The following NCALD variants were observed in gnomAD, a reference collection of about 807,000 sequenced individuals.
The protein encoded by NCALD is neurocalcin-delta.
In NCALD, 10 loss-of-function variants were observed where a neutral mutation model predicts 18.6. The observed-to-expected ratio is 0.54, with a 90% CI of 0.33 to 0.91. The LOEUF is 0.91. Among genes scored for constraint, NCALD ranks in the 40% least tolerant of loss-of-function variants. NCALD has a pLI of 0.03. For synonymous variants in NCALD, 88 were observed against 87.4 expected, an observed-to-expected ratio of 1.01 and a Z score of -0.04; for missense variants, 184 against 247.6, an observed-to-expected ratio of 0.74 and a Z score of 1.72.
In NCALD at chr8:101,786,663, A is replaced by G. The variant is rs141095748; in HGVS notation, c.-20+4199T>C. Among the ~76,000 whole-genome samples the G allele has an allele frequency of 7.6e-3, 1,152 of 152,282 alleles. 8 individuals are homozygous for G. The highest frequency in any genetic ancestry group is 0.041 in the Middle Eastern group (12 of 294). The stretch of plus-strand genomic sequence containing the variant: ...ATTAAAGCAAACAAAATCCAAAATC[A>G]TCTTTTAAAAAAATTCATCCTTGCA... On this transcript the variant is annotated intron_variant, in intron 1 of 3. Transcript: ENST00000220931.
intron 4 of NCALD, among the ~76,000 whole-genome samples, chr8:101,804,372 T>TTATATATAATTATATCAATTATA (rs971384773): frequency 7.3e-6 from 1 of 136,512 alleles, no homozygotes; most frequent in Non-Finnish European, 1.5e-5. Flanking sequence ...CAATTATATA[T>TTATATATAATTATATCAATTATA]TATATGTTAC....
At position 102,010,263 on chromosome 8, in the gene NCALD, TTCTC is replaced by T. The variant is rs145129630; in HGVS notation, c.-157+9970_-157+9973del. ...CATACTTGCAACATATTTGCATACT[TTCTC>T]TAACAAATCTGCCTTTCTTTACCTA... On this transcript the variant is annotated intron_variant, in intron 2 of 6. Coordinates refer to the NCALD transcript ENST00000311028. Among the ~76,000 whole-genome samples, 29 of 152,378 alleles carry T rather than the reference TTCTC, an allele frequency of 1.9e-4. No individual in the cohort carries two copies. In the East Asian group the frequency reaches 5.6e-3, roughly 29 times the overall value.
chr8:101,912,441 G>A (rs1158142330), intron 3 of NCALD, among the ~76,000 whole-genome samples: 3 of 152,360 alleles, frequency 2.0e-5, no homozygotes, highest in East Asian at 1.9e-4. Context: ...GGGAAATGAT[G>A]ATGTATTTAT....
At chr8:101,961,282 A>G (rs533361054) in intron 2 of NCALD, among the ~76,000 whole-genome samples, 5 of 152,320 alleles carry the variant, frequency 3.3e-5, no homozygotes, top group African/African-American at 1.2e-4. Flanking sequence ...ATAATAAAAA[A>G]TATCAGGGAA....
At position 101,954,420 on chromosome 8, in the gene NCALD, T is replaced by C. The variant is rs892928569; in HGVS notation, c.-156-38562A>G. On this transcript the variant is annotated intron_variant, in intron 2 of 6. Transcript: ENST00000311028. ...CCTGACCTCTCCTGGCTTCCTGCTTTCTGCTTTTCTTTCCCTTCTGAACCC... is the reference window on the plus strand; with the variant it reads ...CCTGACCTCTCCTGGCTTCCTGCTTCCTGCTTTTCTTTCCCTTCTGAACCC... 2.6e-5 allele frequency among the ~76,000 whole-genome samples: 4 copies of C among 152,288 alleles called. 1 individual carries two copies. Among genetic ancestry groups the C allele is most frequent in the Admixed American group, 2.6e-4 (4 of 15,296 alleles).
intron 2 of NCALD, among the ~76,000 whole-genome samples, chr8:102,011,212 A>G (rs116685629): frequency 6.6e-6 from 1 of 152,122 alleles, no homozygotes; most frequent in South Asian, 2.1e-4. Flanking sequence ...TACTCCCCCA[A>G]CACAGACACA....
chr8:102,035,515 T>C lies in NCALD; in HGVS notation c.-209-15226A>G, dbSNP rs1409474559. On this transcript the variant is annotated intron_variant, in intron 1 of 6. Transcript: ENST00000311028. ...TCCAACACTCAGCAACAGTGTACTA[T>C]GTAGCCAGAGGTCTCCATAGTCCAG... 2.6e-5 allele frequency among the ~76,000 whole-genome samples: 4 copies of C among 152,300 alleles called. No individual in the cohort carries two copies. The East Asian group carries it at 5.8e-4, about 22-fold the overall frequency.
chr8:101,831,279 G>A (rs984341248), intron 4 of NCALD, among the ~76,000 whole-genome samples: 1 of 152,144 alleles, frequency 6.6e-6, no homozygotes, highest in African/African-American at 2.4e-5. Flanking sequence ...TCCTAAGGTT[G>A]CCATGAGGAT....
Position 101,950,410 on chromosome 8 carries a change from G to A in NCALD, c.-156-34552C>T, listed in dbSNP as rs1819346085. 2.0e-5 allele frequency: 3 copies of A among 152,196 alleles called. No homozygotes were observed. In the South Asian group the frequency reaches 6.2e-4, roughly 32 times the overall value. The allele number at this position is 152,196 out of a possible 1,614,324, so 9.4% of individuals were successfully genotyped here. Reference sequence around the variant, plus strand: ...GACAACAGTAATGAAATTTTGTTGGGACCAAAAGCAAGAAGATTCATTGGA... The same window carrying A: ...GACAACAGTAATGAAATTTTGTTGGAACCAAAAGCAAGAAGATTCATTGGA... On this transcript the variant is annotated intron_variant, in intron 2 of 6. Coordinates refer to the NCALD transcript ENST00000311028.
intron 4 of NCALD, among the ~76,000 whole-genome samples, chr8:101,839,815 C>T (rs575538732): frequency 1.1e-4 from 16 of 151,740 alleles, no homozygotes; most frequent in Non-Finnish European, 1.8e-4. Context: ...TAATGAGGAA[C>T]GCTGAAGTCC....
chr8:102,083,043 A>G (rs1824604811), intron 1 of NCALD, among the ~76,000 whole-genome samples: 1 of 152,236 alleles, frequency 6.6e-6, no homozygotes, highest in African/African-American at 2.4e-5. Flanking sequence ...CACTCCTTGT[A>G]TTTATTAACA....
intron 1 of NCALD, among the ~76,000 whole-genome samples, chr8:102,046,947 AC>A (rs1823266661): frequency 6.6e-6 from 1 of 152,024 alleles, no homozygotes; most frequent in Non-Finnish European, 1.5e-5. Flanking sequence ...CCAAGAGTTA[AC>A]CTTTTCCGCT....
chr8:101,919,149 C>T (rs1239601577), intron 2 of NCALD, among the ~76,000 whole-genome samples: 2 of 152,060 alleles, frequency 1.3e-5, no homozygotes, highest in Non-Finnish European at 2.9e-5. Context: ...GCTATAGTCA[C>T]CAAAACAGCA....
At chr8:102,064,081 T>C (rs1823928712) in intron 1 of NCALD, among the ~76,000 whole-genome samples, 1 of 152,226 alleles carries the variant, frequency 6.6e-6, no homozygotes, top group Non-Finnish European at 1.5e-5. Flanking sequence ...TGTTCCAACA[T>C]GAATTTCTAA....
chr8:101,692,682 G>A lies in NCALD; in HGVS notation c.484+109C>T, dbSNP rs369578580. On this transcript the variant is annotated intron_variant, in intron 3 of 3. Coordinates refer to ENST00000220931, the MANE Select transcript of NCALD (RefSeq NM_032041.3). ...CTCCTACCCACCCAGGAGGCTTGGA[G>A]GATGAGCCGCTCACATTGAAGGGCC... is the stretch of plus-strand genomic sequence containing the variant. 4.1e-5 allele frequency: 58 copies of A among 1,405,166 alleles called. No homozygotes were observed. The East Asian group carries it at 6.9e-4, about 17-fold the overall frequency. 87.0% of individuals were successfully genotyped at this position (1,405,166 alleles called of 1,614,324 possible).
chr8:101,765,444 G>A (rs941724618), intron 1 of NCALD, among the ~76,000 whole-genome samples: 8 of 152,110 alleles, frequency 5.3e-5, no homozygotes, highest in Non-Finnish European at 1.0e-4. Flanking sequence ...ACCCCGACAT[G>A]TGCAAAAAAC....
chr8:101,991,243 T>C (rs749171940), intron 2 of NCALD, among the ~76,000 whole-genome samples: 2 of 152,174 alleles, frequency 1.3e-5, no homozygotes, highest in African/African-American at 4.8e-5. Context: ...TCAGAGAAAC[T>C]ATACAGCCTT....
intron 1 of NCALD, among the ~76,000 whole-genome samples, chr8:102,110,589 T>G (rs1210643221): frequency 2.0e-5 from 3 of 152,198 alleles, no homozygotes; most frequent in African/African-American, 7.2e-5. Flanking sequence ...GAAAGTATTT[T>G]GAAGTGATGA....
intron 2 of NCALD, among the ~76,000 whole-genome samples, chr8:101,934,737 G>T (rs1347811729): frequency 1.3e-5 from 2 of 152,120 alleles, no homozygotes; most frequent in African/African-American, 4.8e-5. Flanking sequence ...TGGAGGCAGC[G>T]TGCTGCACTT....
Sources: gnomAD v4.1 joint callset for allele counts (sites outside exome capture counted in the v4.1 genomes callset) on GRCh38, gnomAD v4.1.1 for gene constraint, MANE v1.5 for transcripts, NCBI Gene and HGNC (gene_info 2026-07-23, HGNC 2026-07-21) for gene names.